Variants in ABR observed in about 807,000 individuals in gnomAD.
The protein encoded by ABR is ABR activator of RhoGEF and GTPase.
A neutral mutation model predicts 107.2 loss-of-function variants in ABR; 35 were observed. The observed-to-expected ratio is 0.33, with a 90% CI of 0.25 to 0.43. The LOEUF (loss-of-function observed/expected upper bound fraction) is 0.43. Among genes scored for constraint, ABR ranks in the 20% least tolerant of loss-of-function variants. The pLI, the probability that ABR is intolerant of heterozygous loss-of-function variation, is 1.00. For missense variants in ABR, 815 were observed against 1,115.2 expected (o/e 0.73, Z 3.83); for synonymous variants, 498 against 462.0 (o/e 1.08, Z -1.00).
At chr17:1,205,436 A>G (rs545949027) in intron 1 of ABR, among the ~76,000 whole-genome samples, 7 of 152,222 alleles carry the variant, frequency 4.6e-5, no homozygotes, top group African/African-American at 1.7e-4. Flanking sequence ...TTCTGGAGAG[A>G]GGAGTGGGGT....
At position 1,024,957 on chromosome 17, in the gene ABR, T is replaced by C. The variant is rs563698307; in HGVS notation, c.1792-11793A>G. On this transcript the variant is annotated intron_variant, in intron 16 of 22. Transcript: ENST00000302538. ...TAACACGGTGAAACCCCGTCTCTAC[T>C]AAAAATACAAAAAATTAGCTGGGCG... Among the ~76,000 whole-genome samples, 8 of 150,612 alleles carry C rather than the reference T, an allele frequency of 5.3e-5. No homozygotes were observed. The East Asian group carries it at 1.4e-3, about 26-fold the overall frequency.
intron 1 of ABR, among the ~76,000 whole-genome samples, chr17:1,134,531 A>G (rs1294318847): frequency 6.6e-6 from 1 of 152,192 alleles, no homozygotes; most frequent in Admixed American, 6.5e-5. Flanking sequence ...TGCTCATGGG[A>G]AATACAAGTC....
intron 18 of ABR, 152 bp downstream of exon 18, chr17:1,012,536 A>G: frequency 1.4e-6 from 1 of 702,802 alleles, no homozygotes; most frequent in South Asian, 1.5e-5. Flanking sequence ...CTCTGCGGCC[A>G]CTCTAGATCC....
At chr17:1,219,560 A>G (rs547690079) in intron 1 of ABR, among the ~76,000 whole-genome samples, 18 of 141,472 alleles carry the variant, frequency 1.3e-4, no homozygotes, top group Non-Finnish European at 2.3e-4. Context: ...CGATGTGCCT[A>G]TGTGACCAGC....
chr17:1,020,251 T>G (rs2071516306), intron 16 of ABR, among the ~76,000 whole-genome samples: 1 of 152,036 alleles, frequency 6.6e-6, no homozygotes, highest in East Asian at 1.9e-4. Context: ...CCCGGCTAAT[T>G]TTTGTATTTT....
At chr17:1,062,130 C>T (rs531826496) in intron 10 of ABR, among the ~76,000 whole-genome samples, 4 of 152,132 alleles carry the variant, frequency 2.6e-5, no homozygotes, top group Admixed American at 6.5e-5. Context: ...CTGACCAAAC[C>T]GCTCCAGGCC....
In ABR at chr17:1,157,872, C is replaced by T. The variant is rs1199764778; in HGVS notation, c.61+21795G>A. Among the ~76,000 whole-genome samples, 2 of 152,224 alleles carry T rather than the reference C, an allele frequency of 1.3e-5. No homozygotes were observed. Among genetic ancestry groups the T allele is most frequent in the Non-Finnish European group, 2.9e-5 (2 of 68,036 alleles). On this transcript the variant is annotated intron_variant, in intron 1 of 22. Coordinates refer to ENST00000302538, the MANE Select transcript of ABR (RefSeq NM_021962.5). The surrounding 1 kb of genome is among the most constrained non-coding windows in gnomAD (Gnocchi z 4.7). ...GCTGCAGGTCAGCCTAGGAAGGGAT[C>T]GTGCAGTTTGGTAGGTCACCTTCTA...
rs1010550101 is a variant in ABR at position 1,210,096 on chromosome 17, G to A, written c.838+18697C>T. Among the ~76,000 whole-genome samples the A allele has an allele frequency of 1.3e-5, 2 of 152,192 alleles. No individual in the cohort carries two copies. The highest frequency in any genetic ancestry group is 4.8e-5 in the African/African-American group (2 of 41,448). On this transcript the variant is annotated intron_variant, in intron 1 of 22. Coordinates refer to the ABR transcript ENST00000574139. The surrounding 1 kb of genome is among the most constrained non-coding windows in gnomAD (Gnocchi z 5.6). The stretch of plus-strand genomic sequence containing the variant: ...ATTAGTAAAGCACTAAATTAGTGAC[G>A]GCTGATCTCTTAGAGAGACAGGGAG...
chr17:1,046,195 GGGGTTTC>G (rs71741324), intron 16 of ABR, among the ~76,000 whole-genome samples: 32,382 of 151,702 alleles, frequency 0.21, 3,972 homozygotes, highest in Middle Eastern at 0.29. Context: ...TAGTAGAGAC[GGGGTTTC>G]GCCATGTTGG....
rs938268899 is a variant in ABR at position 1,070,636 on chromosome 17, G to A, written c.895-546C>T. On this transcript the variant is annotated intron_variant, in intron 8 of 22. Transcript: ENST00000302538. The surrounding 1 kb of genome is among the most constrained non-coding windows in gnomAD (Gnocchi z 4.2). ...TCCTCCCTGGCTTCTCCAGCCCCCT[G>A]GGGATGAGACCTGGGCCCTCCAGCC... is the stretch of plus-strand genomic sequence containing the variant. Among the ~76,000 whole-genome samples the A allele has an allele frequency of 6.6e-6, 1 of 151,870 alleles. No individual in the cohort carries two copies. Among genetic ancestry groups the A allele is most frequent in the African/African-American group, 2.4e-5 (1 of 41,336 alleles).
intron 1 of ABR, among the ~76,000 whole-genome samples, chr17:1,160,722 C>A (rs569310343): frequency 3.3e-5 from 5 of 152,206 alleles, no homozygotes; most frequent in Non-Finnish European, 4.4e-5. Context: ...AGGGCCACCC[C>A]CGAGGAGCTC....
At chr17:1,048,878 T>C (rs925991176) in intron 16 of ABR, among the ~76,000 whole-genome samples, 1 of 152,212 alleles carries the variant, frequency 6.6e-6, no homozygotes, top group African/African-American at 2.4e-5. Context: ...CGCCCGAGGC[T>C]CAACCTCAGT....
In ABR at chr17:1,163,555, A is replaced by G. The variant is rs373014084; in HGVS notation, c.61+16112T>C. ...CGGAGCATCCAGGTGGGACCCTGGC[A>G]AAGTGTCACACACAGCACTGAATCC... On this transcript the variant is annotated intron_variant, in intron 1 of 22. Transcript: ENST00000302538. 2.9e-3 allele frequency among the ~76,000 whole-genome samples: 379 copies of G among 128,544 alleles called. 1 individual carries two copies. The highest frequency in any genetic ancestry group is 0.011 in the African/African-American group (358 of 33,074). 84.3% of individuals were successfully genotyped at this position (128,544 alleles called of 152,430 possible).
Position 1,010,697 on chromosome 17 carries a change from C to A in ABR, c.2236+32G>T, listed in dbSNP as rs777783939. ...CAGGGAGTCCTGGCTCAGTCTGGCC[C>A]AGCCCAGTCCTAGGAGCCCTCAGGG... On this transcript the variant is annotated intron_variant, in intron 20 of 22. Transcript: ENST00000302538. The surrounding 1 kb of genome is among the most constrained non-coding windows in gnomAD (Gnocchi z 4.1). 5.6e-6 allele frequency: 9 copies of A among 1,610,280 alleles called. No individual in the cohort carries two copies. The highest frequency in any genetic ancestry group is 6.8e-6 in the Non-Finnish European group (8 of 1,178,482).
At chr17:1,212,923 T>A (rs2042931902) in intron 1 of ABR, among the ~76,000 whole-genome samples, 1 of 151,732 alleles carries the variant, frequency 6.6e-6, no homozygotes, top group Non-Finnish European at 1.5e-5. Context: ...AAAGAGATAC[T>A]TGGGGAGAAG....
chr17:1,195,600 C>T (rs1277140712), intron 1 of ABR, among the ~76,000 whole-genome samples: 1 of 150,258 alleles, frequency 6.7e-6, no homozygotes, highest in African/African-American at 2.4e-5. Flanking sequence ...GTCAGGAGAT[C>T]GAGACCATCC....
At chr17:1,058,536 G>C (rs978435389) in intron 11 of ABR, among the ~76,000 whole-genome samples, 3 of 152,206 alleles carry the variant, frequency 2.0e-5, no homozygotes, top group African/African-American at 4.8e-5. Context: ...AAGCCAAGGT[G>C]ACAGGAGCGG....
chr17:1,031,625 G>A (rs1401788299), intron 16 of ABR: 3 of 1,223,178 alleles, frequency 2.5e-6, no homozygotes, highest in Admixed American at 4.4e-5. Flanking sequence ...TGTTGCGCAC[G>A]CGGCCCCAGA....
intron 16 of ABR, among the ~76,000 whole-genome samples, chr17:1,022,926 G>A (rs2071808846): frequency 6.6e-6 from 1 of 152,274 alleles, no homozygotes; most frequent in Non-Finnish European, 1.5e-5. Context: ...GTCCAAGGCA[G>A]GCTAGCCTCT....
Sources: gnomAD v4.1 joint callset for allele counts (sites outside exome capture counted in the v4.1 genomes callset) on GRCh38, gnomAD v4.1.1 for gene constraint, Gnocchi (gnomAD v3.1) non-coding constraint, MANE v1.5 for transcripts, NCBI Gene and HGNC (gene_info 2026-07-23, HGNC 2026-07-21) for gene names.